Variants in GIPC2 observed in about 807,000 individuals in gnomAD.
GIPC2 encodes GIPC PDZ domain containing family member 2.
A neutral mutation model predicts 30.6 loss-of-function variants in GIPC2; 30 were observed. That is an observed-to-expected ratio of 0.98 (90% CI 0.73 to 1.33). The LOEUF is 1.33. GIPC2 is among the 40% of genes most tolerant of loss of function. The pLI, the probability that GIPC2 is intolerant of heterozygous loss-of-function variation, is 0.00. For missense variants in GIPC2, 414 were observed against 390.3 expected (o/e 1.06, Z -0.51); for synonymous variants, 167 against 150.0 (o/e 1.11, Z -0.83).
intron 1 of GIPC2, among the ~76,000 whole-genome samples, chr1:78,066,229 T>C (rs550856435): frequency 6.6e-6 from 1 of 152,006 alleles, no homozygotes; most frequent in Admixed American, 6.5e-5. Context: ...GCAAAGAACA[T>C]GAACAGACAC....
chr1:78,067,864 C>T (rs1321702843), intron 1 of GIPC2, among the ~76,000 whole-genome samples: 1 of 152,150 alleles, frequency 6.6e-6, no homozygotes, highest in East Asian at 1.9e-4. Context: ...TGTAGATGGT[C>T]CTCAGTCTAA....
intron 1 of GIPC2, 48 bp downstream of exon 1, chr1:78,046,382 C>CCGCGT (rs1571466316): frequency 1.3e-6 from 2 of 1,522,468 alleles, no homozygotes; most frequent in African/African-American, 2.8e-5. Context: ...CCGCGCCGCG[C>CCGCGT]CGCGCCGCGC....
Position 78,101,863 on chromosome 1 carries a change from C to T in GIPC2, c.607+6731C>T, listed in dbSNP as rs1171882243. Among the ~76,000 whole-genome samples the T allele has an allele frequency of 2.6e-5, 4 of 152,302 alleles. No individual in the cohort carries two copies. In the East Asian group the frequency reaches 5.8e-4, roughly 22 times the overall value. On this transcript the variant is annotated intron_variant, in intron 3 of 5. Transcript: ENST00000370759. ...CTGTAAACCTAGATTTTCCCAAGGC[C>T]ATGAAAATCCCTCTTCCATTTAAAT...
chr1:78,111,047 C>A (rs1444178732), intron 3 of GIPC2, among the ~76,000 whole-genome samples: 1 of 152,126 alleles, frequency 6.6e-6, no homozygotes, highest in Non-Finnish European at 1.5e-5. Flanking sequence ...TGCCATCTGG[C>A]CCACCCTTTG....
chr1:78,080,549 A>G (rs1213073321), intron 1 of GIPC2, 126 bp from the exon 2 acceptor site: 7 of 575,302 alleles, frequency 1.2e-5, no homozygotes, highest in Non-Finnish European at 2.1e-5. Flanking sequence ...ATAAAAACAC[A>G]TTTTATGATG....
At chr1:78,125,688 G>A (rs1662768702) in intron 4 of GIPC2, among the ~76,000 whole-genome samples, 193 bp from the exon 5 acceptor site, 1 of 152,138 alleles carries the variant, frequency 6.6e-6, no homozygotes. Context: ...AACACTTAGT[G>A]CTGACACTAG....
At chr1:78,096,214 G>T (rs1384798361) in intron 3 of GIPC2, among the ~76,000 whole-genome samples, 3 of 152,162 alleles carry the variant, frequency 2.0e-5, no homozygotes, top group African/African-American at 7.2e-5. Context: ...ATTCTGCCTG[G>T]TGCCTTGCAG....
chr1:78,068,388 A>G (rs1310361675), intron 1 of GIPC2, among the ~76,000 whole-genome samples: 1 of 152,246 alleles, frequency 6.6e-6, no homozygotes, highest in Non-Finnish European at 1.5e-5. Flanking sequence ...GATTACTTCA[A>G]TACCAAGGGA....
At chr1:78,057,696 G>A (rs1407823017) in intron 1 of GIPC2, among the ~76,000 whole-genome samples, 1 of 152,126 alleles carries the variant, frequency 6.6e-6, no homozygotes, top group African/African-American at 2.4e-5. Context: ...TAAAATGGAA[G>A]GTAGATAATT....
chr1:78,068,444 A>G (rs1344816840), intron 1 of GIPC2, among the ~76,000 whole-genome samples: 1 of 152,214 alleles, frequency 6.6e-6, no homozygotes, highest in Non-Finnish European at 1.5e-5. Flanking sequence ...AAATCACATG[A>G]CTTTCCTTTT....
At chr1:78,099,352 G>T (rs1571507039) in intron 3 of GIPC2, among the ~76,000 whole-genome samples, 1 of 151,884 alleles carries the variant, frequency 6.6e-6, no homozygotes, top group Non-Finnish European at 1.5e-5. Flanking sequence ...GCGATTAGAG[G>T]TGCTAAAATA....
At chr1:78,059,935 C>G (rs1661362113) in intron 1 of GIPC2, among the ~76,000 whole-genome samples, 1 of 152,044 alleles carries the variant, frequency 6.6e-6, no homozygotes, top group African/African-American at 2.4e-5. Flanking sequence ...TTAATGAGGA[C>G]TTTTGGAAAA....
chr1:78,088,452 T>C (rs1661975428), intron 2 of GIPC2, among the ~76,000 whole-genome samples: 1 of 152,208 alleles, frequency 6.6e-6, no homozygotes, highest in Non-Finnish European at 1.5e-5. Context: ...TGTGGCAACA[T>C]GGATGTAGCT....
At chr1:78,111,225 G>A (rs534477850) in intron 3 of GIPC2, among the ~76,000 whole-genome samples, 1 of 152,294 alleles carries the variant, frequency 6.6e-6, no homozygotes, top group East Asian at 1.9e-4. Flanking sequence ...CCCACATGGT[G>A]TGATAAAACT....
At chr1:78,073,089 A>G (rs1661653589) in intron 1 of GIPC2, among the ~76,000 whole-genome samples, 1 of 148,374 alleles carries the variant, frequency 6.7e-6, no homozygotes, top group Non-Finnish European at 1.5e-5. Flanking sequence ...GATCACAGGC[A>G]TGAGCCACCA....
At chr1:78,135,061 G>C (rs1040841042) in intron 5 of GIPC2, among the ~76,000 whole-genome samples, 1 of 152,206 alleles carries the variant, frequency 6.6e-6, no homozygotes, top group African/African-American at 2.4e-5. Context: ...TGATTCCACA[G>C]GTAGACAGAT....
intron 1 of GIPC2, among the ~76,000 whole-genome samples, chr1:78,078,080 T>C (rs377285550): frequency 1.2e-4 from 18 of 147,106 alleles, no homozygotes; most frequent in East Asian, 4.0e-4. Flanking sequence ...CCCAGCTACT[T>C]GGGAGGCTGA....
intron 1 of GIPC2, among the ~76,000 whole-genome samples, chr1:78,067,792 G>A (rs1194773322): frequency 6.6e-6 from 1 of 152,144 alleles, no homozygotes; most frequent in African/African-American, 2.4e-5. Context: ...ACCAGGTACA[G>A]TTTTCATTCT....
intron 5 of GIPC2, among the ~76,000 whole-genome samples, chr1:78,131,989 T>C (rs1662908102): frequency 6.6e-6 from 1 of 152,232 alleles, no homozygotes; most frequent in Non-Finnish European, 1.5e-5. Context: ...CATATCTTGC[T>C]CAGTTTTAAT....
Sources: gnomAD v4.1 joint callset for allele counts (sites outside exome capture counted in the v4.1 genomes callset) on GRCh38, gnomAD v4.1.1 for gene constraint, MANE v1.5 for transcripts, NCBI Gene and HGNC (gene_info 2026-07-23, HGNC 2026-07-21) for gene names.